EPM2A: variants seen among roughly 807,000 people sequenced by gnomAD.
The protein encoded by EPM2A is EPM2A glucan phosphatase, laforin.
Under a neutral mutation model 26.5 loss-of-function variants are expected in EPM2A, and 21 were observed. That is an observed-to-expected ratio of 0.79 (90% CI 0.56 to 1.14). The LOEUF is 1.14. Ranked by LOEUF, EPM2A falls within the 50% of genes most tolerant of loss-of-function variation. The pLI is 0.00. For missense variants in EPM2A, 458 were observed against 440.8 expected (o/e 1.04, Z -0.35); for synonymous variants, 217 against 177.6 (o/e 1.22, Z -1.76).
At chr6:145,408,793 C>T (rs1262302630) in intron 4 of EPM2A, among the ~76,000 whole-genome samples, 1 of 152,138 alleles carries the variant, frequency 6.6e-6, no homozygotes, top group Non-Finnish European at 1.5e-5. Flanking sequence ...GATCAAGGCA[C>T]CAGCATATTC....
intron 4 of EPM2A, among the ~76,000 whole-genome samples, chr6:145,412,949 C>T (rs1346836229): frequency 6.6e-6 from 1 of 152,126 alleles, no homozygotes; most frequent in African/African-American, 2.4e-5. Context: ...TGAGCCCTAC[C>T]TCCAGTCCAC....
intron 2 of EPM2A, among the ~76,000 whole-genome samples, chr6:145,667,887 C>T (rs1395167800): frequency 6.6e-6 from 1 of 150,782 alleles, no homozygotes; most frequent in Non-Finnish European, 1.5e-5. Flanking sequence ...AATTGGAAAT[C>T]ATCATTCTCA....
chr6:145,531,865 C>T (rs1440804124), intron 2 of EPM2A, among the ~76,000 whole-genome samples: 1 of 152,206 alleles, frequency 6.6e-6, no homozygotes, highest in Admixed American at 6.5e-5. Context: ...GTGCCTGCTA[C>T]CTATACCTGT....
chr6:145,493,329 A>G (rs1420799705), intron 4 of EPM2A, among the ~76,000 whole-genome samples: 2 of 152,186 alleles, frequency 1.3e-5, no homozygotes, highest in African/African-American at 4.8e-5. Flanking sequence ...ATTTTTACAC[A>G]TTGATTCTGT....
rs540079669 is a variant in EPM2A, at chr6:145,536,263, T to C, written c.341-33688A>G. Among the ~76,000 whole-genome samples the C allele has an allele frequency of 1.3e-4, 19 of 148,256 alleles. No homozygotes were observed. The East Asian group carries it at 3.6e-3, about 28-fold the overall frequency. The stretch of plus-strand genomic sequence containing the variant: ...CCAGGTTGGTTTTTTGTTTTTGTTT[T>C]TGTTTTTGTTTTTGTTTTGGTTTTT... On this transcript the variant is annotated intron_variant, in intron 2 of 3. Transcript: ENST00000450221.
At chr6:145,512,268 C>A (rs1780064562) in intron 2 of EPM2A, among the ~76,000 whole-genome samples, 1 of 151,888 alleles carries the variant, frequency 6.6e-6, no homozygotes, top group Non-Finnish European at 1.5e-5. Flanking sequence ...TATATAAAAC[C>A]AAAAAATAGC....
At chr6:145,470,788 G>A (rs1427315884) in intron 4 of EPM2A, among the ~76,000 whole-genome samples, 1 of 152,084 alleles carries the variant, frequency 6.6e-6, no homozygotes, top group Non-Finnish European at 1.5e-5. Context: ...TCTAGCATAG[G>A]TAGTTGTTGA....
At chr6:145,574,118 G>GT (rs1313250030) in intron 2 of EPM2A, among the ~76,000 whole-genome samples, 1 of 152,154 alleles carries the variant, frequency 6.6e-6, no homozygotes, top group East Asian at 1.9e-4. Flanking sequence ...CATTCAAGGG[G>GT]TTCTGAGTCT....
chr6:145,510,591 A>G (rs1363732231), intron 2 of EPM2A, among the ~76,000 whole-genome samples: 1 of 152,202 alleles, frequency 6.6e-6, no homozygotes, highest in Non-Finnish European at 1.5e-5. Context: ...CGACAAAAAC[A>G]GTGTTTAAGG....
chr6:145,554,374 C>T (rs564002144), intron 2 of EPM2A, among the ~76,000 whole-genome samples: 1 of 150,228 alleles, frequency 6.7e-6, no homozygotes, highest in Admixed American at 6.6e-5. Context: ...AAAAACAGAA[C>T]CAATCAGATG....
At chr6:145,442,272 T>A (rs144590754) in intron 4 of EPM2A, among the ~76,000 whole-genome samples, 83 of 152,266 alleles carry the variant, frequency 5.5e-4, no homozygotes, top group African/African-American at 1.8e-3. Flanking sequence ...TTCTATATCT[T>A]CATATATCTT....
intron 2 of EPM2A, among the ~76,000 whole-genome samples, chr6:145,588,762 G>A (rs183757893): frequency 8.4e-4 from 128 of 152,284 alleles, no homozygotes; most frequent in Non-Finnish European, 1.2e-3. Context: ...ATGTTTTATA[G>A]TCTATAAACT....
chr6:145,543,835 A>G (rs1331569296), intron 2 of EPM2A, among the ~76,000 whole-genome samples: 1 of 152,170 alleles, frequency 6.6e-6, no homozygotes, highest in Non-Finnish European at 1.5e-5. Context: ...GAAAGGAAAA[A>G]GATGGATGTA....
chr6:145,633,042 C>T (rs557393375), intron 3 of EPM2A, among the ~76,000 whole-genome samples: 1 of 152,298 alleles, frequency 6.6e-6, no homozygotes, highest in African/African-American at 2.4e-5. Flanking sequence ...AAAAAAGGTT[C>T]GTGAACACAA....
rs2128649656 is a variant in EPM2A at position 145,735,346 on chromosome 6, G to A, written c.153C>T (p.Ala51=). Residue 51 remains alanine (A), a synonymous_variant, in exon 1 of 4, where the codon GCC becomes GCT. Coordinates refer to ENST00000367519, the MANE Select transcript of EPM2A (RefSeq NM_005670.4). ...ACAGGCCCGGCTCCTGCAGGGCCAGGGCCCCGTCGCCCGCCGCGGTGCCGG... is the reference window on the plus strand; with the variant it reads ...ACAGGCCCGGCTCCTGCAGGGCCAGAGCCCCGTCGCCCGCCGCGGTGCCGG... ...RPAGTAAGDG[A]LALQEPGLWL... is the part of the protein sequence containing the mutation. The A allele has an allele frequency of 7.5e-7, 1 of 1,334,034 alleles. No homozygotes were observed. 82.6% of individuals were successfully genotyped at this position (1,334,034 alleles called of 1,614,324 possible). A position where few individuals can be genotyped will look rare whatever the true frequency, so the allele number is the denominator to read the frequency against.
chr6:145,660,392 A>G (rs1192213884), intron 2 of EPM2A, among the ~76,000 whole-genome samples: 1 of 152,234 alleles, frequency 6.6e-6, no homozygotes, highest in African/African-American at 2.4e-5. Flanking sequence ...TACTGGGAAC[A>G]ATAATACATA....
At chr6:145,719,721 T>C (rs1364606745) in intron 1 of EPM2A, among the ~76,000 whole-genome samples, 1 of 152,210 alleles carries the variant, frequency 6.6e-6, no homozygotes, top group Non-Finnish European at 1.5e-5. Context: ...ACTAAAAATA[T>C]CTCTTAACCT....
chr6:145,559,271 T>C (rs1279458349), intron 2 of EPM2A, among the ~76,000 whole-genome samples: 1 of 152,078 alleles, frequency 6.6e-6, no homozygotes, highest in Non-Finnish European at 1.5e-5. Flanking sequence ...CCTAGGGCAT[T>C]ATCCAAACAG....
chr6:145,395,219 T>A (rs1466601578), intron 4 of EPM2A, among the ~76,000 whole-genome samples: 1 of 152,190 alleles, frequency 6.6e-6, no homozygotes, highest in Admixed American at 6.6e-5. Context: ...AACCTCTATA[T>A]GCTTTACTTA....
Sources: allele counts gnomAD v4.1 joint callset (sites outside exome capture counted in the v4.1 genomes callset), GRCh38; gene constraint gnomAD v4.1.1; transcripts MANE v1.5; gene names NCBI Gene and HGNC (gene_info 2026-07-23, HGNC 2026-07-21).